Variants in PLSCR5 observed in about 807,000 individuals in gnomAD.
The protein encoded by PLSCR5 is phospholipid scramblase family, member 5.
A neutral mutation model predicts 33.6 loss-of-function variants in PLSCR5; 44 were observed. The observed-to-expected ratio is 1.31, with a 90% CI of 1.03 to 1.69. The LOEUF is 1.69. Ranked by LOEUF, PLSCR5 falls within the 40% of genes most tolerant of loss-of-function variation. The pLI, the probability that PLSCR5 is intolerant of heterozygous loss-of-function variation, is 0.00. For synonymous variants in PLSCR5, 148 were observed against 112.3 expected (o/e 1.32, Z -2.01); for missense variants, 375 against 318.7 (o/e 1.18, Z -1.34).
At chr3:146,598,252 T>G (rs577844128) in intron 2 of PLSCR5, among the ~76,000 whole-genome samples, 236 of 152,282 alleles carry the variant, frequency 1.5e-3, no homozygotes, top group Non-Finnish European at 2.9e-3. Context: ...TTCATTATTT[T>G]GTTTGATTTT....
chr3:146,577,864 A>C (rs1396708558), intron 7 of PLSCR5, among the ~76,000 whole-genome samples: 1 of 152,164 alleles, frequency 6.6e-6, no homozygotes, highest in Admixed American at 6.5e-5. Context: ...CATAATGTGA[A>C]GTGTTGCTGC....
At chr3:146,579,408 T>C (rs1181715223) in intron 7 of PLSCR5, among the ~76,000 whole-genome samples, 2 of 152,190 alleles carry the variant, frequency 1.3e-5, no homozygotes, top group African/African-American at 4.8e-5. Context: ...TTATGTTATT[T>C]CCTCAGTTTG....
rs2044737730 is a variant in PLSCR5 at position 146,594,068 on chromosome 3, A to G, written c.305T>C (p.Val102Ala). The G allele has an allele frequency of 6.2e-7, 1 of 1,613,768 alleles. No homozygotes were observed. The highest frequency in any genetic ancestry group is 8.5e-7 in the Non-Finnish European group (1 of 1,179,772). ...NSLGQRIYFAVEESICFNRTF... is the reference protein window; with the variant it reads ...NSLGQRIYFAAEESICFNRTF... The stretch of plus-strand genomic sequence containing the variant: ...ACGATTGAAGCAGATGCTTTCCTCC[A>G]CTGCAAAGTAAATTCTTTGTCCCAA... The change falls in exon 4 of 8, where the codon GTG (valine) becomes GCG (alanine). Residue 102 changes from valine to alanine, a missense_variant. Physicochemically the swap from Val to Ala is moderately conservative, Grantham distance 64. Transcript: ENST00000443512.
At chr3:146,588,188 C>T (rs1327749511) in intron 6 of PLSCR5, among the ~76,000 whole-genome samples, 1 of 152,040 alleles carries the variant, frequency 6.6e-6, no homozygotes, top group Non-Finnish European at 1.5e-5. Flanking sequence ...ATGCCAATGT[C>T]GGCTGGGCAA....
chr3:146,603,848 G>C (rs1198393561), intron 1 of PLSCR5, among the ~76,000 whole-genome samples: 1 of 151,222 alleles, frequency 6.6e-6, no homozygotes, highest in Non-Finnish European at 1.5e-5. Flanking sequence ...TTGTTTATTT[G>C]TCTTCAGATA....
chr3:146,590,131 T>C (rs764995271), intron 5 of PLSCR5: 7 of 177,860 alleles, frequency 3.9e-5, no homozygotes, highest in Non-Finnish European at 7.0e-5. Context: ...ATAGTTCAAT[T>C]GTATCATCTA....
rs758324694 is a variant in PLSCR5 at position 146,593,914 on chromosome 3, A to G, written c.453+6T>C. Reference sequence around the variant, plus strand: ...TCAAAAAGGACAACCAGAGCCAGTAACTAACCTCTTGTAGGTAGCAAGGGC... The same window carrying G: ...TCAAAAAGGACAACCAGAGCCAGTAGCTAACCTCTTGTAGGTAGCAAGGGC... On this transcript the variant is annotated splice_donor_region_variant and intron_variant, in intron 4 of 7. Transcript: ENST00000443512. 6.2e-7 allele frequency: 1 copy of G among 1,610,774 alleles called. No homozygotes were observed. The highest frequency in any genetic ancestry group is 1.1e-5 in the South Asian group (1 of 90,974).
chr3:146,582,556 T>C (rs780706508), downstream of PLSCR5, among the ~76,000 whole-genome samples: 3 of 152,212 alleles, frequency 2.0e-5, no homozygotes, highest in Non-Finnish European at 4.4e-5. Context: ...GCTTTCTCTC[T>C]TTCTTTTGCT....
intron 1 of PLSCR5, among the ~76,000 whole-genome samples, chr3:146,604,083 A>G (rs1275817667): frequency 6.6e-6 from 1 of 152,094 alleles, no homozygotes; most frequent in African/African-American, 2.4e-5. Context: ...TGAATGGATC[A>G]CTAATTTAGG....
At position 146,579,167 on chromosome 3, in the gene PLSCR5, C is replaced by T. The variant is rs1402290944; in HGVS notation, c.*45-2442G>A. On this transcript the variant is annotated intron_variant, in intron 7 of 7. Transcript: ENST00000482567. The stretch of plus-strand genomic sequence containing the variant: ...ATAAGAAATAGACAAAATCCATTTA[C>T]ACTTATTTAGAGAAATTTTATTAAA... Among the ~76,000 whole-genome samples, 4 of 151,952 alleles carry T rather than the reference C, an allele frequency of 2.6e-5. No homozygotes were observed. In the East Asian group the frequency reaches 5.8e-4, roughly 22 times the overall value.
At chr3:146,592,758 A>T (rs779140140) in intron 4 of PLSCR5, among the ~76,000 whole-genome samples, 2 of 152,132 alleles carry the variant, frequency 1.3e-5, no homozygotes, top group Non-Finnish European at 2.9e-5. Flanking sequence ...AAATTTTTTT[A>T]AAAGTTACTA....
chr3:146,591,842 C>T lies in PLSCR5; in HGVS notation c.493G>A (p.Val165Ile), dbSNP rs937589609. 1.3e-5 allele frequency: 21 copies of T among 1,611,592 alleles called. No homozygotes were observed. The highest frequency in any genetic ancestry group is 4.0e-5 in the African/African-American group (3 of 74,824). ...QAPPGTIVGY[V>I]TQKWDPFLPK... ...AGAAAGGGGTCCCACTTCTGCGTAA[C>T]GTAACCAACTATAGTACCAGGAGGG... Residue 165 changes from valine (V) to isoleucine (I), a missense_variant, in exon 5 of 8, where the codon GTT becomes ATT. Val to Ile is a conservative substitution (Grantham distance 29). Coordinates refer to ENST00000443512, the MANE Select transcript of PLSCR5 (RefSeq NM_001085420.2).
intron 3 of PLSCR5, 22 bp from the exon 4 acceptor site, chr3:146,594,162 T>C (rs918874926): frequency 6.5e-7 from 1 of 1,542,120 alleles, no homozygotes; most frequent in African/African-American, 1.4e-5. Flanking sequence ...AAAAAAAAAT[T>C]ATAAAAACAT....
At chr3:146,579,197 A>AT (rs1207459522) in intron 7 of PLSCR5, among the ~76,000 whole-genome samples, 1 of 152,112 alleles carries the variant, frequency 6.6e-6, no homozygotes, top group Non-Finnish European at 1.5e-5. Context: ...ATTAAAAAGA[A>AT]TTTTTTCTTC....
At chr3:146,586,693 T>G (rs1300984049) in intron 6 of PLSCR5, among the ~76,000 whole-genome samples, 1 of 152,080 alleles carries the variant, frequency 6.6e-6, no homozygotes, top group African/African-American at 2.4e-5. Flanking sequence ...GGAGGAGTGG[T>G]GGGTTGTGAA....
At chr3:146,592,941 T>C (rs1218149743) in intron 4 of PLSCR5, among the ~76,000 whole-genome samples, 2 of 152,186 alleles carry the variant, frequency 1.3e-5, no homozygotes, top group Non-Finnish European at 2.9e-5. Flanking sequence ...ATTCTTGGGC[T>C]CCATGCACGA....
chr3:146,604,716 A>G (rs920864535), intron 1 of PLSCR5, among the ~76,000 whole-genome samples: 1 of 152,046 alleles, frequency 6.6e-6, no homozygotes, highest in Non-Finnish European at 1.5e-5. Context: ...CTTAATTCAC[A>G]TTGCCTGCTT....
downstream of PLSCR5, among the ~76,000 whole-genome samples, chr3:146,582,993 C>T (rs2044642194): frequency 1.3e-5 from 2 of 152,018 alleles, no homozygotes; most frequent in African/African-American, 2.4e-5. Context: ...TTTCCACACC[C>T]CTACGTTTGT....
intron 5 of PLSCR5, among the ~76,000 whole-genome samples, chr3:146,590,811 T>C (rs577718387): frequency 1.8e-4 from 27 of 152,140 alleles, no homozygotes; most frequent in African/African-American, 6.5e-4. Context: ...TAAATGCCCT[T>C]GCTGAGATAT....
Sources: gnomAD v4.1 joint callset for allele counts (sites outside exome capture counted in the v4.1 genomes callset) on GRCh38, gnomAD v4.1.1 for gene constraint, MANE v1.5 for transcripts, NCBI Gene and HGNC (gene_info 2026-07-23, HGNC 2026-07-21) for gene names.